Variants in NRXN3 observed in about 807,000 individuals in gnomAD.
NRXN3 encodes neurexin 3, also known as neurexin III.
Under a neutral mutation model 137.6 loss-of-function variants are expected in NRXN3, and 32 were observed. The ratio of observed to expected loss-of-function variants is 0.23; its 90% CI spans 0.18 to 0.31. The LOEUF (loss-of-function observed/expected upper bound fraction) is 0.31. NRXN3 is among the 10% of genes least tolerant of loss of function. The pLI, the probability that NRXN3 is intolerant of heterozygous loss-of-function variation, is 1.00. For missense variants in NRXN3, 1,574 were observed against 2,062.5 expected (o/e 0.76, Z 4.59); for synonymous variants, 798 against 784.5 (o/e 1.02, Z -0.29).
chr14:79,547,196 G>A (rs150180620), intron 16 of NRXN3, among the ~76,000 whole-genome samples: 5 of 152,062 alleles, frequency 3.3e-5, no homozygotes, highest in African/African-American at 9.7e-5. Context: ...TCTGAAGATC[G>A]GGTGCTCTTA....
rs2098877461 is a variant in NRXN3 at position 79,725,253 on chromosome 14, G to C, written c.4014+27316G>C. Among the ~76,000 whole-genome samples, 3 of 152,258 alleles carry C rather than the reference G, an allele frequency of 2.0e-5. 1 individual carries two copies. The Middle Eastern group carries it at 0.01, about 518-fold the overall frequency. ...TATAGTTCCTGAGGAACTTTAGATT[G>C]ATACATGTCTGACAATTTCCATTTT... On this transcript the variant is annotated intron_variant, in intron 19 of 20. Transcript: ENST00000335750.
At chr14:79,102,561 T>A (rs1208491343) in intron 15 of NRXN3, among the ~76,000 whole-genome samples, 1 of 152,172 alleles carries the variant, frequency 6.6e-6, no homozygotes, top group Admixed American at 6.5e-5. Flanking sequence ...GTCTAGATAG[T>A]CTTAGTCTTC....
chr14:79,415,880 G>T (rs1187880855), intron 15 of NRXN3, among the ~76,000 whole-genome samples: 4 of 152,064 alleles, frequency 2.6e-5, no homozygotes, highest in African/African-American at 9.7e-5. Flanking sequence ...GAGAACTCAT[G>T]CCTGATATAC....
chr14:79,195,461 T>C (rs2065012673), intron 15 of NRXN3, among the ~76,000 whole-genome samples: 1 of 152,234 alleles, frequency 6.6e-6, no homozygotes, highest in Non-Finnish European at 1.5e-5. Context: ...GGCATACTTT[T>C]ACTCTCTACT....
At chr14:78,696,883 A>C (rs919612265) in intron 6 of NRXN3, among the ~76,000 whole-genome samples, 1 of 152,060 alleles carries the variant, frequency 6.6e-6, no homozygotes, top group African/African-American at 2.4e-5. Context: ...TACTGCCATC[A>C]CCACCACTGT....
rs76722568 is a variant in NRXN3 at position 79,846,785 on chromosome 14, G to A, written c.4094-14557G>A. 7.2e-3 allele frequency among the ~76,000 whole-genome samples: 1,103 copies of A among 152,236 alleles called. 10 individuals carry two copies. The highest frequency in any genetic ancestry group is 0.025 in the African/African-American group (1,054 of 41,538). ...GAAACAACTTTAGGAAAGGGATAGT[G>A]TCTTCTTGCTTACTTTTATTTTTCC... On this transcript the variant is annotated intron_variant, in intron 20 of 20. Transcript: ENST00000335750.
chr14:79,703,799 C>T (rs1255933975), intron 19 of NRXN3, among the ~76,000 whole-genome samples: 1 of 152,122 alleles, frequency 6.6e-6, no homozygotes, highest in Non-Finnish European at 1.5e-5. Context: ...AGTGGCCTTA[C>T]AGTACCTTTC....
chr14:78,360,900 C>T (rs1343225914), intron 4 of NRXN3, among the ~76,000 whole-genome samples: 10 of 152,156 alleles, frequency 6.6e-5, no homozygotes, highest in African/African-American at 2.4e-4. Flanking sequence ...AAGCCATAAA[C>T]CTCAACCACT....
chr14:79,052,801 T>C (rs1423444385), intron 15 of NRXN3, among the ~76,000 whole-genome samples: 1 of 152,206 alleles, frequency 6.6e-6, no homozygotes, highest in African/African-American at 2.4e-5. Context: ...GGCTGCCTGC[T>C]GAGAGCCCAT....
At chr14:78,894,997 A>G (rs993358371) in intron 10 of NRXN3, among the ~76,000 whole-genome samples, 4 of 151,420 alleles carry the variant, frequency 2.6e-5, no homozygotes, top group Non-Finnish European at 4.4e-5. Context: ...TTGTTGTTCC[A>G]TTTACAGAGC....
intron 4 of NRXN3, among the ~76,000 whole-genome samples, chr14:78,604,477 A>T (rs1353129801): frequency 6.6e-6 from 1 of 152,196 alleles, no homozygotes; most frequent in African/African-American, 2.4e-5. Context: ...TTGAGTACTA[A>T]CTACTCTGTG....
At chr14:79,485,850 G>A (rs1444886162) in intron 16 of NRXN3, among the ~76,000 whole-genome samples, 1 of 152,122 alleles carries the variant, frequency 6.6e-6, no homozygotes, top group African/African-American at 2.4e-5. Flanking sequence ...AGCAATCCTG[G>A]AAGCTTAAGG....
intron 6 of NRXN3, among the ~76,000 whole-genome samples, chr14:78,699,216 T>C (rs990432862): frequency 6.7e-6 from 1 of 149,866 alleles, no homozygotes; most frequent in Non-Finnish European, 1.5e-5. Flanking sequence ...ATGGAGTGGG[T>C]AGAAATATTG....
chr14:78,291,174 G>A (rs533553172), intron 3 of NRXN3, among the ~76,000 whole-genome samples: 2 of 152,302 alleles, frequency 1.3e-5, no homozygotes, highest in South Asian at 4.1e-4. Context: ...CTGGTGTCAT[G>A]GTTACCATCA....
At chr14:79,205,442 C>T (rs2066653549) in intron 15 of NRXN3, among the ~76,000 whole-genome samples, 1 of 152,130 alleles carries the variant, frequency 6.6e-6, no homozygotes, top group African/African-American at 2.4e-5. Flanking sequence ...GATGGACTTC[C>T]TTCTGAACTG....
At chr14:78,949,165 A>G (rs1363523919) in intron 10 of NRXN3, among the ~76,000 whole-genome samples, 3 of 152,248 alleles carry the variant, frequency 2.0e-5, no homozygotes, top group Middle Eastern at 3.4e-3. Flanking sequence ...ATTTATATCT[A>G]TCTGCTGCCT....
At chr14:79,162,371 C>A (rs2153067717) in intron 15 of NRXN3, among the ~76,000 whole-genome samples, 1 of 150,260 alleles carries the variant, frequency 6.7e-6, no homozygotes, top group Non-Finnish European at 1.5e-5. Flanking sequence ...CAATTACCAC[C>A]TGTGAGTGAG....
intron 1 of NRXN3, among the ~76,000 whole-genome samples, chr14:78,206,059 G>A (rs1340451806): frequency 6.6e-6 from 1 of 152,204 alleles, no homozygotes; most frequent in African/African-American, 2.4e-5. Flanking sequence ...AAGCAAATGT[G>A]GAGGCTGCTG....
At chr14:78,399,032 T>G (rs943069629) in intron 4 of NRXN3, among the ~76,000 whole-genome samples, 4 of 152,200 alleles carry the variant, frequency 2.6e-5, no homozygotes, top group Admixed American at 1.3e-4. Context: ...TTGTGAAAGT[T>G]TTTTGTCTTC....
Sources: allele counts gnomAD v4.1 joint callset (sites outside exome capture counted in the v4.1 genomes callset), GRCh38; gene constraint gnomAD v4.1.1; transcripts MANE v1.5; gene names NCBI Gene and HGNC (gene_info 2026-07-23, HGNC 2026-07-21).